The following FUT9 variants were observed in gnomAD, a reference collection of about 807,000 sequenced individuals.
FUT9 encodes the protein 4-galactosyl-N-acetylglucosaminide 3-alpha-L-fucosyltransferase 9.
In FUT9, 15 loss-of-function variants were observed where a neutral mutation model predicts 29.7. The observed-to-expected ratio is 0.51, with a 90% confidence interval of 0.34 to 0.78. The LOEUF is 0.78. FUT9 is among the 30% of genes least tolerant of loss of function. The probability of loss-of-function intolerance (pLI) is 0.01; values close to 1 mark genes in which losing one functional copy is unlikely to be tolerated. For missense variants in FUT9, 319 were observed against 425.4 expected, an observed-to-expected ratio of 0.75 and a Z score of 2.20; for synonymous variants, 169 against 153.7, an observed-to-expected ratio of 1.10 and a Z score of -0.74.
At chr6:96,077,375 G>C (rs796373193) in intron 1 of FUT9, among the ~76,000 whole-genome samples, 1 of 152,112 alleles carries the variant, frequency 6.6e-6, no homozygotes, top group Non-Finnish European at 1.5e-5. Flanking sequence ...ACTTCATGTT[G>C]TTCTTGGAGT....
chr6:96,212,282 A>G lies in FUT9; in HGVS notation c.*8047A>G, dbSNP rs1415102107. 1 of 412,738 alleles carries G rather than the reference A, an allele frequency of 2.4e-6. No individual in the cohort carries two copies. Among genetic ancestry groups the G allele is most frequent in the Admixed American group, 4.4e-5 (1 of 22,654 alleles). 25.6% of individuals were successfully genotyped at this position (412,738 alleles called of 1,614,324 possible). On this transcript the variant is annotated 3_prime_UTR_variant, in exon 3 of 3. Transcript: ENST00000302103. Reference sequence around the variant, plus strand: ...CATCCTTGTCCAAGGTGAGATTGCCAGAGGATATGAGCTCATCTAGGATGG... The same window carrying G: ...CATCCTTGTCCAAGGTGAGATTGCCGGAGGATATGAGCTCATCTAGGATGG...
rs147140326 is a variant in FUT9, at chr6:96,204,604, G to C, written c.*369G>C. On this transcript the variant is annotated 3_prime_UTR_variant, in exon 3 of 3. Transcript: ENST00000302103. ...GGGAAATGAAGATGCACATCTTAAA[G>C]TATGAAAAATTTTCACTAAGTATTA... 152 of 170,220 alleles carry C rather than the reference G, an allele frequency of 8.9e-4. 5 individuals carry two copies. The South Asian group carries it at 0.021, about 23-fold the overall frequency. 10.5% of individuals were successfully genotyped at this position (170,220 alleles called of 1,614,324 possible).
intron 1 of FUT9, among the ~76,000 whole-genome samples, chr6:96,083,979 C>G (rs1426446742): frequency 6.6e-6 from 1 of 151,922 alleles, no homozygotes; most frequent in African/African-American, 2.4e-5. Flanking sequence ...GAAAACATTC[C>G]TTCTCACATG....
At chr6:96,055,445 G>C (rs1485225753) in intron 1 of FUT9, among the ~76,000 whole-genome samples, 1 of 149,590 alleles carries the variant, frequency 6.7e-6, no homozygotes, top group Admixed American at 6.6e-5. Flanking sequence ...AAATTTTAGT[G>C]TATCTTTGTC....
intron 1 of FUT9, among the ~76,000 whole-genome samples, chr6:96,060,917 A>G (rs1422128564): frequency 6.6e-6 from 1 of 152,206 alleles, no homozygotes; most frequent in East Asian, 1.9e-4. Context: ...AATAAAAAAG[A>G]CTTTTTATAA....
chr6:96,060,885 A>G (rs1308335757), intron 1 of FUT9, among the ~76,000 whole-genome samples: 1 of 152,182 alleles, frequency 6.6e-6, no homozygotes, highest in Non-Finnish European at 1.5e-5. Flanking sequence ...CATTTACAGC[A>G]TTTAAAGGAT....
At chr6:96,078,651 A>C (rs1771184333) in intron 1 of FUT9, among the ~76,000 whole-genome samples, 1 of 151,130 alleles carries the variant, frequency 6.6e-6, no homozygotes, top group Non-Finnish European at 1.5e-5. Context: ...CTGTCTCCTG[A>C]CCTCGTGATG....
chr6:96,074,129 G>A (rs1771107129), intron 1 of FUT9, among the ~76,000 whole-genome samples: 1 of 152,100 alleles, frequency 6.6e-6, no homozygotes. Flanking sequence ...AATATTAGCA[G>A]TAGTTGGTTT....
intron 1 of FUT9, among the ~76,000 whole-genome samples, chr6:96,109,654 C>T (rs1429073115): frequency 6.6e-6 from 1 of 152,130 alleles, no homozygotes; most frequent in African/African-American, 2.4e-5. Context: ...TCCACCAAAC[C>T]TAACAACCAC....
intron 1 of FUT9, among the ~76,000 whole-genome samples, chr6:96,058,911 C>T (rs2127942635): frequency 6.6e-6 from 1 of 152,158 alleles, no homozygotes; most frequent in South Asian, 2.1e-4. Context: ...AAAATTTCTC[C>T]CTCTTTTATA....
At chr6:96,171,904 G>A (rs1049297730) in intron 2 of FUT9, among the ~76,000 whole-genome samples, 2 of 152,156 alleles carry the variant, frequency 1.3e-5, no homozygotes, top group Non-Finnish European at 2.9e-5. Context: ...TAATATGTAA[G>A]ACCTTTTATG....
At chr6:96,053,161 A>G (rs567272181) in intron 1 of FUT9, among the ~76,000 whole-genome samples, 25 of 152,304 alleles carry the variant, frequency 1.6e-4, no homozygotes, top group African/African-American at 5.8e-4. Flanking sequence ...ATAAAATTAA[A>G]TAATTTTATA....
At chr6:96,077,872 T>A (rs1402157887) in intron 1 of FUT9, among the ~76,000 whole-genome samples, 1 of 152,208 alleles carries the variant, frequency 6.6e-6, no homozygotes, top group Non-Finnish European at 1.5e-5. Flanking sequence ...GGTTGTTCCT[T>A]TTTATGTGAT....
chr6:96,059,233 G>T (rs74774897), intron 1 of FUT9, among the ~76,000 whole-genome samples: 4,993 of 152,160 alleles, frequency 0.033, 292 homozygotes, highest in African/African-American at 0.11. Flanking sequence ...AGTATAGAAT[G>T]TTGTGCATTT....
Position 96,085,481 on chromosome 6 carries a change from G to A in FUT9, c.-97-28558G>A, listed in dbSNP as rs115160960. ...ACAATCTAATCACCTTTCCAAGACCGCACCTTCTAATACCATTATCTTGAA... is the reference window on the plus strand; with the variant it reads ...ACAATCTAATCACCTTTCCAAGACCACACCTTCTAATACCATTATCTTGAA... On this transcript the variant is annotated intron_variant, in intron 1 of 2. Transcript: ENST00000302103. Among the ~76,000 whole-genome samples, 1,080 of 152,204 alleles carry A rather than the reference G, an allele frequency of 7.1e-3. 12 individuals are homozygous for A. Among genetic ancestry groups the A allele is most frequent in the African/African-American group, 0.024 (996 of 41,522 alleles).
chr6:96,077,889 C>T (rs181240963), intron 1 of FUT9, among the ~76,000 whole-genome samples: 1 of 152,272 alleles, frequency 6.6e-6, no homozygotes, highest in East Asian at 1.9e-4. Flanking sequence ...TGATCTGCCT[C>T]CACATCAACT....
intron 1 of FUT9, among the ~76,000 whole-genome samples, chr6:96,094,789 AT>A (rs748133964): frequency 1.3e-5 from 2 of 150,772 alleles, no homozygotes; most frequent in African/African-American, 2.4e-5. Flanking sequence ...TTTTTTCTTC[AT>A]TTTTTTTTCT....
intron 1 of FUT9, among the ~76,000 whole-genome samples, chr6:96,071,080 G>A (rs543051965): frequency 2.0e-5 from 3 of 152,186 alleles, no homozygotes; most frequent in Admixed American, 1.3e-4. Context: ...GGTAGCTAAT[G>A]CATATTGGAT....
chr6:96,029,226 C>G (rs1045856162), intron 1 of FUT9, among the ~76,000 whole-genome samples: 5 of 151,272 alleles, frequency 3.3e-5, no homozygotes, highest in African/African-American at 1.2e-4. Flanking sequence ...CTGTAAAAAG[C>G]TAAAATCATT....
Sources: allele counts gnomAD v4.1 joint callset (sites outside exome capture counted in the v4.1 genomes callset), GRCh38; gene constraint gnomAD v4.1.1; transcripts MANE v1.5; gene names NCBI Gene and HGNC (gene_info 2026-07-23, HGNC 2026-07-21).